EPS15L1: variants seen among roughly 807,000 people sequenced by gnomAD.
The protein encoded by EPS15L1 is epidermal growth factor receptor substrate 15-like 1.
EPS15L1 carries 43 observed loss-of-function variants against 117.1 expected under a neutral mutation model. The observed-to-expected ratio is 0.37, with a 90% CI of 0.29 to 0.47. EPS15L1 has a LOEUF of 0.47. Among genes scored for constraint, EPS15L1 ranks in the 20% least tolerant of loss-of-function variants. The pLI, the probability that EPS15L1 is intolerant of heterozygous loss-of-function variation, is 0.99. For synonymous variants in EPS15L1, 459 were observed against 470.5 expected, an observed-to-expected ratio of 0.98 and a Z score of 0.32; for missense variants, 981 against 1,164.0, an observed-to-expected ratio of 0.84 and a Z score of 2.29.
rs746441140 is a variant in EPS15L1 at position 16,402,462 on chromosome 19, C to A, written c.1650G>T (p.Leu550=). ...INQARSKLSQ[L]HESRQEAHRS... ...TGTGGGCCTCCTGGCGGCTTTCATG[C>A]AGCTGGGAAAGTTTGCTCCTTGCCT... Residue 550 remains leucine, a synonymous_variant, in exon 16 of 24, where the codon CTG becomes CTT. Transcript: ENST00000455140. 1.7e-5 allele frequency: 28 copies of A among 1,607,888 alleles called. No homozygotes were observed. The East Asian group carries it at 5.6e-4, about 32-fold the overall frequency.
chr19:16,368,668 G>A (rs539344416), intron 22 of EPS15L1, among the ~76,000 whole-genome samples: 24 of 150,852 alleles, frequency 1.6e-4, no homozygotes, highest in Admixed American at 5.9e-4. Context: ...CACAACAGGC[G>A]ATCTCACAAA....
intron 12 of EPS15L1, among the ~76,000 whole-genome samples, chr19:16,416,466 T>G (rs1223439565): frequency 6.6e-6 from 1 of 151,814 alleles, no homozygotes; most frequent in Non-Finnish European, 1.5e-5. Context: ...CGAAACCCCA[T>G]CTCTACAAAA....
chr19:16,436,670 A>T, intron 6 of EPS15L1: 1 of 396,018 alleles, frequency 2.5e-6, no homozygotes, highest in Non-Finnish European at 4.5e-6. Flanking sequence ...GCCCTTTAAT[A>T]ATCCAACTCC....
chr19:16,395,524 G>C (rs2092530724), intron 16 of EPS15L1, 57 bp from the exon 17 acceptor site: 1 of 1,550,672 alleles, frequency 6.4e-7, no homozygotes, highest in Non-Finnish European at 8.9e-7. Flanking sequence ...TTAAAGCAAA[G>C]TACGGAATTC....
At chr19:16,425,677 CAGG>C (rs2144975194) in intron 8 of EPS15L1, among the ~76,000 whole-genome samples, 1 of 152,258 alleles carries the variant, frequency 6.6e-6, no homozygotes, top group African/African-American at 2.4e-5. Context: ...TCAAGACGTT[CAGG>C]AGTAGTCCCA....
Position 16,417,862 on chromosome 19 carries a change from G to A in EPS15L1, c.1107+86C>T. The A allele has an allele frequency of 2.6e-6, 4 of 1,515,606 alleles. No individual in the cohort carries two copies. The African/African-American group carries it at 4.1e-5, about 16-fold the overall frequency. The allele number at this position is 1,515,606 out of a possible 1,614,324, so 93.9% of individuals were successfully genotyped here. A position where few individuals can be genotyped will look rare whatever the true frequency, so the allele number is the denominator to read the frequency against. ...GACCACAGGCAGCACCCGCCACCGT[G>A]GGCTCATGTGTGCCACCAGTGCCAC... On this transcript the variant is annotated intron_variant, in intron 11 of 23. Transcript: ENST00000455140.
chr19:16,432,471 G>GGCAGGAGAACGGCGTGAAC (rs1568446856), intron 7 of EPS15L1, among the ~76,000 whole-genome samples: 4 of 152,222 alleles, frequency 2.6e-5, no homozygotes, highest in African/African-American at 9.6e-5. Flanking sequence ...GGGAGGCTGA[G>GGCAGGAGAACGGCGTGAAC]GCAGGAGAAC....
At chr19:16,441,740 C>A in intron 3 of EPS15L1, 152 bp downstream of exon 3, 1 of 540,762 alleles carries the variant, frequency 1.8e-6, no homozygotes, top group Non-Finnish European at 3.3e-6. Flanking sequence ...GCATTTGGAT[C>A]CACCAGCTGC....
At chr19:16,395,920 G>A (rs1344981070) in intron 16 of EPS15L1, among the ~76,000 whole-genome samples, 14 of 108,172 alleles carry the variant, frequency 1.3e-4, no homozygotes, top group Admixed American at 8.3e-4. Context: ...GCTCCAGCCT[G>A]GGCGATAGAG....
chr19:16,444,063 C>CAAAAAAA (rs545605173), intron 1 of EPS15L1, among the ~76,000 whole-genome samples: 1 of 37,698 alleles, frequency 2.7e-5, no homozygotes, highest in African/African-American at 1.1e-4. Flanking sequence ...GACTCCGTCT[C>CAAAAAAA]AAAAAAAAAA....
intron 23 of EPS15L1, among the ~76,000 whole-genome samples, 164 bp from the exon 24 acceptor site, chr19:16,356,015 G>A (rs890595462): frequency 2.4e-4 from 37 of 152,276 alleles, no homozygotes; most frequent in Admixed American, 2.3e-3. Context: ...CAGTGGGCGT[G>A]CGAGCCTGTC....
At chr19:16,458,097 G>A (rs2145163118) in intron 1 of EPS15L1, among the ~76,000 whole-genome samples, 2 of 152,260 alleles carry the variant, frequency 1.3e-5, no homozygotes, top group East Asian at 1.9e-4. Flanking sequence ...GGTTGGGATG[G>A]GTCTGGCCTC....
intron 1 of EPS15L1, among the ~76,000 whole-genome samples, chr19:16,450,627 C>A (rs536303543): frequency 6.6e-6 from 1 of 151,804 alleles, no homozygotes; most frequent in African/African-American, 2.4e-5. Context: ...ATTACAGATG[C>A]ATGCCAACAC....
In EPS15L1 at chr19:16,395,387, G is replaced by A. The variant is rs1357398336; in HGVS notation, c.1872C>T (p.Asp624=). 6.2e-7 allele frequency: 1 copy of A among 1,613,914 alleles called. No individual in the cohort carries two copies. Among genetic ancestry groups the A allele is most frequent in the South Asian group, 1.1e-5 (1 of 91,080 alleles). ...ELHPDPFQTE[D]PFKSDPFKGA... is the part of the protein sequence containing the mutation. ...CTTTAAATGGGTCAGATTTGAAGGGGTCTTCTGTCTGGAAAGGATCCGGAT... is the reference window on the plus strand; with the variant it reads ...CTTTAAATGGGTCAGATTTGAAGGGATCTTCTGTCTGGAAAGGATCCGGAT... The change falls in exon 17 of 24, where the codon GAC becomes GAT. Residue 624 remains aspartate (D), a synonymous_variant. Transcript: ENST00000455140.
At chr19:16,386,110 C>CG in intron 20 of EPS15L1, 61 bp downstream of exon 20, 1 of 1,293,098 alleles carries the variant, frequency 7.7e-7, no homozygotes. Flanking sequence ...GTGTTAACTG[C>CG]GGGGGAGCTC....
intron 22 of EPS15L1, among the ~76,000 whole-genome samples, chr19:16,368,572 CTG>C (rs1246969307): frequency 6.6e-6 from 1 of 152,030 alleles, no homozygotes; most frequent in Non-Finnish European, 1.5e-5. Flanking sequence ...ACCCACACAA[CTG>C]TTATTCATTC....
intron 1 of EPS15L1, among the ~76,000 whole-genome samples, chr19:16,465,259 G>C (rs1470397431): frequency 1.3e-5 from 2 of 152,152 alleles, no homozygotes; most frequent in African/African-American, 4.8e-5. Context: ...ATGGAAGCCA[G>C]TCATCTGCCC....
At chr19:16,399,916 A>G (rs1436911519) in intron 16 of EPS15L1, among the ~76,000 whole-genome samples, 1 of 152,038 alleles carries the variant, frequency 6.6e-6, no homozygotes, top group Non-Finnish European at 1.5e-5. Context: ...ACCTTTCTTA[A>G]TCTGTCCTCA....
At chr19:16,390,443 G>GTC (rs2092464295) in intron 19 of EPS15L1, among the ~76,000 whole-genome samples, 1 of 152,058 alleles carries the variant, frequency 6.6e-6, no homozygotes. Context: ...CTCAGACACT[G>GTC]GTAGGACTAA....
Sources: gnomAD v4.1 joint callset for allele counts (sites outside exome capture counted in the v4.1 genomes callset) on GRCh38, gnomAD v4.1.1 for gene constraint, MANE v1.5 for transcripts, NCBI Gene and HGNC (gene_info 2026-07-23, HGNC 2026-07-21) for gene names.